The following CCDC171 variants were observed in gnomAD, a reference collection of about 807,000 sequenced individuals.
The protein encoded by CCDC171 is coiled-coil domain containing 171.
CCDC171 carries 177 observed loss-of-function variants against 168.2 expected under a neutral mutation model. The observed-to-expected ratio is 1.05, with a 90% CI of 0.93 to 1.19. The LOEUF (loss-of-function observed/expected upper bound fraction) is 1.19, where lower values mean the gene tolerates loss of function less well. Ranked by LOEUF, CCDC171 falls within the 50% of genes most tolerant of loss-of-function variation. The probability of loss-of-function intolerance (pLI) is 0.00; values close to 1 mark genes in which losing one functional copy is unlikely to be tolerated. For missense variants in CCDC171, 1,991 were observed against 1,539.0 expected (o/e 1.29, Z -4.91); for synonymous variants, 687 against 540.8 (o/e 1.27, Z -3.75).
At chr9:15,992,868 C>T (rs1018712254) in intron 3 of CCDC171, among the ~76,000 whole-genome samples, 1 of 152,072 alleles carries the variant, frequency 6.6e-6, no homozygotes, top group Non-Finnish European at 1.5e-5. Context: ...AATAAAATAC[C>T]TAGGAATCCA....
chr9:15,749,248 G>T (rs997509022), intron 18 of CCDC171, among the ~76,000 whole-genome samples: 4 of 152,022 alleles, frequency 2.6e-5, no homozygotes, highest in African/African-American at 9.7e-5. Flanking sequence ...ATGGTAAAGG[G>T]ATCAATTCAA....
At chr9:15,983,815 AGAGTGTGTGTGTGTGT>A (rs1233186398) in intron 3 of CCDC171, among the ~76,000 whole-genome samples, 4 of 124,510 alleles carry the variant, frequency 3.2e-5, no homozygotes, top group Non-Finnish European at 5.1e-5. Context: ...CTAAATAAAG[AGAGTGTGTGTGTGTGT>A]GTGTGTGTGT....
intron 23 of CCDC171, among the ~76,000 whole-genome samples, chr9:15,857,051 G>A (rs2061372798): frequency 6.6e-6 from 1 of 151,886 alleles, no homozygotes; most frequent in African/African-American, 2.4e-5. Flanking sequence ...ATTTTAAAAT[G>A]AGGTTATTAG....
intron 10 of CCDC171, among the ~76,000 whole-genome samples, chr9:15,680,625 A>C (rs929612636): frequency 1.3e-5 from 2 of 152,154 alleles, no homozygotes; most frequent in African/African-American, 4.8e-5. Context: ...TTGTTCTAGA[A>C]ATCAGTTTGC....
At chr9:16,067,123 G>T in the CCDC171 span, among the ~76,000 whole-genome samples, 1 of 151,868 alleles carries the variant, frequency 6.6e-6, no homozygotes, top group African/African-American at 2.4e-5. Context: ...TCCAGCACCT[G>T]TTGTTTCCTG....
chr9:15,810,224 T>C (rs1417776173), intron 21 of CCDC171, among the ~76,000 whole-genome samples: 1 of 152,146 alleles, frequency 6.6e-6, no homozygotes, highest in Non-Finnish European at 1.5e-5. Context: ...GATTGGTGCA[T>C]CCACCAACCC....
chr9:15,819,927 C>G, intron 21 of CCDC171, among the ~76,000 whole-genome samples: 1 of 117,046 alleles, frequency 8.5e-6, no homozygotes. Flanking sequence ...CAAAATTGAC[C>G]ACATAGTTGG....
At chr9:15,903,807 T>A (rs956335079) in intron 24 of CCDC171, among the ~76,000 whole-genome samples, 6 of 152,142 alleles carry the variant, frequency 3.9e-5, no homozygotes, top group African/African-American at 1.4e-4. Flanking sequence ...CTAACTAGAA[T>A]AACCAATGCA....
chr9:15,989,064 A>G (rs1362812314), intron 3 of CCDC171, among the ~76,000 whole-genome samples: 1 of 152,194 alleles, frequency 6.6e-6, no homozygotes, highest in Non-Finnish European at 1.5e-5. Flanking sequence ...CCTGTCTGAC[A>G]GTTTTGAAGA....
At chr9:15,931,906 A>C (rs1260450188) in intron 25 of CCDC171, among the ~76,000 whole-genome samples, 1 of 151,228 alleles carries the variant, frequency 6.6e-6, no homozygotes, top group African/African-American at 2.4e-5. Flanking sequence ...TGTGCTTAGC[A>C]CCTTAGGTGT....
chr9:15,902,281 T>TATATATATAC (rs1554673437), intron 24 of CCDC171, among the ~76,000 whole-genome samples: 2 of 145,160 alleles, frequency 1.4e-5, no homozygotes, highest in African/African-American at 5.1e-5. Context: ...TATATATATA[T>TATATATATAC]ACACACACAC....
chr9:15,726,205 T>C (rs2053788961), intron 14 of CCDC171, among the ~76,000 whole-genome samples: 1 of 152,122 alleles, frequency 6.6e-6, no homozygotes, highest in Admixed American at 6.6e-5. Context: ...ATGATTAAAG[T>C]AAAGGAAACT....
Position 15,777,638 on chromosome 9 carries a change from G to A in CCDC171, c.2710G>A (p.Ala904Thr), listed in dbSNP as rs764141962. The A allele has an allele frequency of 9.3e-6, 15 of 1,613,462 alleles. No homozygotes were observed. Among genetic ancestry groups the A allele is most frequent in the Non-Finnish European group, 1.3e-5 (15 of 1,179,842 alleles). ...AATTTGTGGACATTTACTCATAGGTGCAGCCAAGAATTCTTTTGCAAAACT... is the reference window on the plus strand; with the variant it reads ...AATTTGTGGACATTTACTCATAGGTACAGCCAAGAATTCTTTTGCAAAACT... ...SRICGHLLIGAAKNSFAKLMD... is the reference protein window; with the variant it reads ...SRICGHLLIGTAKNSFAKLMD... Residue 904 changes from alanine to threonine, a missense_variant, in exon 19 of 26, where the codon GCA (alanine) becomes ACA (threonine). Physicochemically the swap from Ala to Thr is moderately conservative, Grantham distance 58. Coordinates refer to ENST00000380701, the MANE Select transcript of CCDC171 (RefSeq NM_173550.4).
At chr9:15,860,121 G>C (rs886987277) in intron 23 of CCDC171, among the ~76,000 whole-genome samples, 5 of 147,134 alleles carry the variant, frequency 3.4e-5, no homozygotes, top group African/African-American at 1.3e-4. Context: ...TGTGGTATCA[G>C]TTATAATTTG....
At chr9:15,589,532 T>A (rs1374847501) in intron 4 of CCDC171, among the ~76,000 whole-genome samples, 1 of 152,232 alleles carries the variant, frequency 6.6e-6, no homozygotes, top group Non-Finnish European at 1.5e-5. Flanking sequence ...CTCTAAACTC[T>A]CTGTTGAGAA....
intron 10 of CCDC171, among the ~76,000 whole-genome samples, chr9:15,694,002 C>A (rs2051021952): frequency 6.6e-6 from 1 of 152,138 alleles, no homozygotes; most frequent in Admixed American, 6.5e-5. Context: ...TGAAACATCT[C>A]ACCAAGGTCA....
downstream of CCDC171, among the ~76,000 whole-genome samples, chr9:16,065,464 A>G (rs1833981035): frequency 6.6e-6 from 1 of 152,060 alleles, no homozygotes; most frequent in African/African-American, 2.4e-5. Flanking sequence ...GGAAAGCTCG[A>G]GGGGCCCTGA....
At chr9:15,574,147 CT>C (rs1318084639) in intron 3 of CCDC171, among the ~76,000 whole-genome samples, 58 of 144,952 alleles carry the variant, frequency 4.0e-4, no homozygotes, top group Non-Finnish European at 3.7e-4. Flanking sequence ...TTCTCTTTTT[CT>C]TTTTTTTTTT....
intron 4 of CCDC171, chr9:16,020,932 G>A (rs1334679449): frequency 6.6e-6 from 1 of 152,218 alleles, no homozygotes; most frequent in Non-Finnish European, 1.5e-5. Flanking sequence ...AATAATTACT[G>A]AACAAATGAA....
Sources: allele counts gnomAD v4.1 joint callset (sites outside exome capture counted in the v4.1 genomes callset), GRCh38; gene constraint gnomAD v4.1.1; transcripts MANE v1.5; gene names NCBI Gene and HGNC (gene_info 2026-07-23, HGNC 2026-07-21).